OS9: variants seen among roughly 807,000 people sequenced by gnomAD.
OS9 encodes protein OS-9.
OS9 carries 58 observed loss-of-function variants against 84.7 expected under a neutral mutation model. That is an observed-to-expected ratio of 0.68 (90% CI 0.55 to 0.85). OS9 has a LOEUF of 0.85. OS9 is among the 40% of genes least tolerant of loss of function. The pLI is 0.00. For missense variants in OS9, 760 were observed against 850.9 expected (o/e 0.89, Z 1.33); for synonymous variants, 278 against 320.8 (o/e 0.87, Z 1.43).
chr12:57,706,814 A>G (rs1167887358), intron 5 of OS9, among the ~76,000 whole-genome samples: 1 of 136,174 alleles, frequency 7.3e-6, no homozygotes, highest in South Asian at 2.3e-4. Context: ...ACGCCACTGG[A>G]CTCCAGCCTG....
At position 57,720,174 on chromosome 12, in the gene OS9, T is replaced by A. The variant is rs769392806; in HGVS notation, c.1676T>A (p.Val559Asp). Residue 559 changes from valine to aspartate, a missense_variant, in exon 13 of 15, where the codon GTC (valine) becomes GAC (aspartate). Transcript: ENST00000315970. ...GGAGGCCCTAATCAGGATCTGACTG[T>A]CCTCGAGATGAAACGGGAAAACCCA... ...RLGGPNQDLT[V>D]LEMKRENPQL... 5.0e-6 allele frequency: 8 copies of A among 1,614,122 alleles called. No homozygotes were observed. Among genetic ancestry groups the A allele is most frequent in the Non-Finnish European group, 6.8e-6 (8 of 1,180,008 alleles).
rs1327102148 is a variant in OS9, at chr12:57,716,503, G to A, written c.984G>A (p.Val328=). The change falls in exon 8 of 15, where the codon GTG becomes GTA. Residue 328 remains valine, a synonymous_variant. Coordinates refer to ENST00000315970, the MANE Select transcript of OS9 (RefSeq NM_006812.4). The part of the protein sequence containing the change: ...PEDQAPGGEE[V]PAEEQDPSPE... ...ACCAGGCCCCAGGAGGGGAGGAGGT[G>A]CCGGCTGAGGTGAGACCAGCTGCCT... The A allele has an allele frequency of 1.9e-6, 3 of 1,571,654 alleles. No homozygotes were observed. The highest frequency in any genetic ancestry group is 2.6e-6 in the Non-Finnish European group (3 of 1,157,302).
Position 57,720,113 on chromosome 12 carries a change from C to A in OS9, c.1615C>A (p.His539Asn), listed in dbSNP as rs759360227. 3.1e-6 allele frequency: 5 copies of A among 1,613,722 alleles called. No individual in the cohort carries two copies. The highest frequency in any genetic ancestry group is 4.2e-6 in the Non-Finnish European group (5 of 1,179,956). ...SPQPTEEDPE[H>N]RVRVRVTKLR... Reference sequence around the variant, plus strand: ...CCCCCTCTAAGAGGAGGATCCTGAGCACAGAGTCCGGGTCCGGGTCACCAA... The same window carrying A: ...CCCCCTCTAAGAGGAGGATCCTGAGAACAGAGTCCGGGTCCGGGTCACCAA... Residue 539 changes from histidine to asparagine, a missense_variant, in exon 13 of 15, where the codon CAC becomes AAC. Coordinates refer to ENST00000315970, the MANE Select transcript of OS9 (RefSeq NM_006812.4).
At chr12:57,705,673 G>A (rs148831361) in intron 5 of OS9, among the ~76,000 whole-genome samples, 4,252 of 152,046 alleles carry the variant, frequency 0.028, 155 homozygotes, top group African/African-American at 0.083. Context: ...TTACAGGTGC[G>A]TACCACCACG....
rs1349587227 is a variant in OS9, at chr12:57,720,433, C to T, written c.1793C>T (p.Pro598Leu). ...AAAATTGAGATCAAAATTGTCCGCC[C>T]ATGGGCTGAAGGGACTGAAGAGGGT... The part of the protein sequence containing the change: ...AGKIEIKIVR[P>L]WAEGTEEGAR... The change falls in exon 14 of 15, where the codon CCA becomes CTA. Residue 598 changes from proline (P) to leucine (L), a missense_variant. Transcript: ENST00000315970. 6.2e-7 allele frequency: 1 copy of T among 1,613,890 alleles called. No individual in the cohort carries two copies. The highest frequency in any genetic ancestry group is 8.5e-7 in the Non-Finnish European group (1 of 1,179,800).
At chr12:57,705,574 A>G (rs1954141773) in intron 5 of OS9, among the ~76,000 whole-genome samples, 1 of 152,078 alleles carries the variant, frequency 6.6e-6, no homozygotes, top group Admixed American at 6.6e-5. Context: ...TTGCTCTGTC[A>G]TCAAGGCTGG....
chr12:57,696,441 C>G (rs1953838724), intron 5 of OS9, 68 bp downstream of exon 5: 3 of 296,628 alleles, frequency 1.0e-5, no homozygotes, highest in Non-Finnish European at 1.8e-5. Context: ...AAGAGGGTTG[C>G]ATCTTATAGT....
chr12:57,707,666 TG>T (rs1421028090), intron 5 of OS9, among the ~76,000 whole-genome samples: 2 of 152,236 alleles, frequency 1.3e-5, no homozygotes, highest in Non-Finnish European at 2.9e-5. Context: ...CCTAAAGTGC[TG>T]GGATTACAGG....
In OS9 at chr12:57,718,309, T is replaced by C. The variant is rs567028943; in HGVS notation, c.1298T>C (p.Leu433Pro). Residue 433 changes from leucine to proline, a missense_variant, in exon 11 of 15, where the codon CTG (leucine) becomes CCG (proline). Physicochemically the swap from Leu to Pro is moderately conservative, Grantham distance 98 (BLOSUM62 -3). Coordinates refer to ENST00000315970, the MANE Select transcript of OS9 (RefSeq NM_006812.4). The part of the protein sequence containing the change: ...EDEDEDERQL[L>P]GEFEKELEGI... ...GAAGATGAGGATGAACGGCAGTTAC[T>C]GGGAGAATTTGAGAAGGAACTGGAA... The C allele has an allele frequency of 1.7e-5, 27 of 1,614,018 alleles. No homozygotes were observed. Among genetic ancestry groups the C allele is most frequent in the Non-Finnish European group, 2.3e-5 (27 of 1,180,028 alleles).
At chr12:57,694,369 G>C in intron 1 of OS9, 46 bp downstream of exon 1, 1 of 1,600,286 alleles carries the variant, frequency 6.2e-7, no homozygotes, top group Non-Finnish European at 8.6e-7. Flanking sequence ...AGAGGAAGCG[G>C]GTAAGAGATA....
chr12:57,718,865 A>T, intron 11 of OS9, 128 bp from the exon 12 acceptor site: 1 of 704,976 alleles, frequency 1.4e-6, no homozygotes, highest in South Asian at 1.8e-5. Flanking sequence ...AGACGGCACC[A>T]CTGTACTCCA....
At chr12:57,696,134 T>G in intron 4 of OS9, 96 bp downstream of exon 4, 1 of 1,222,758 alleles carries the variant, frequency 8.2e-7, no homozygotes, top group Non-Finnish European at 1.2e-6. Flanking sequence ...ATCTGTTTCT[T>G]GGGGCTTGGT....
At chr12:57,694,723 G>A in intron 1 of OS9, 27 bp from the exon 2 acceptor site, 1 of 1,611,576 alleles carries the variant, frequency 6.2e-7, no homozygotes, top group African/African-American at 1.3e-5. Context: ...TTGCTTCCTT[G>A]CCCCCCGACC....
intron 5 of OS9, 52 bp downstream of exon 5, chr12:57,696,425 T>G: frequency 3.4e-6 from 2 of 591,376 alleles, no homozygotes. Flanking sequence ...GTTCAGATTC[T>G]AAGGGAAGAG....
chr12:57,699,787 G>C (rs1479842529), intron 5 of OS9, among the ~76,000 whole-genome samples: 5 of 152,164 alleles, frequency 3.3e-5, no homozygotes, highest in African/African-American at 7.2e-5. Context: ...ATGAGGTGTT[G>C]AGAAAAGTGG....
chr12:57,700,714 C>T (rs73125460), intron 5 of OS9, among the ~76,000 whole-genome samples: 11,947 of 151,588 alleles, frequency 0.079, 549 homozygotes, highest in Non-Finnish European at 0.11. Flanking sequence ...ATGTTGAAGG[C>T]TGTTGGGTGG....
At chr12:57,703,670 T>G (rs1257748886) in intron 5 of OS9, among the ~76,000 whole-genome samples, 1 of 152,244 alleles carries the variant, frequency 6.6e-6, no homozygotes, top group East Asian at 1.9e-4. Context: ...TATTAAGATT[T>G]AAGTCAGGAA....
Position 57,720,791 on chromosome 12 carries a change from G to T in OS9, c.1886G>T (p.Gly629Val). The T allele has an allele frequency of 6.2e-7, 1 of 1,609,540 alleles. No homozygotes were observed. Among genetic ancestry groups the T allele is most frequent in the Non-Finnish European group, 8.5e-7 (1 of 1,177,594 alleles). Residue 629 changes from glycine to valine, a missense_variant, in exon 15 of 15, where the codon GGA (glycine) becomes GTA (valine). Physicochemically the swap from Gly to Val is moderately radical, Grantham distance 109. Coordinates refer to ENST00000315970, the MANE Select transcript of OS9 (RefSeq NM_006812.4). ...TCTACCCTCTCCCACCAGGTGCCGG[G>T]AGCTGAAGAGGCCCAGAAGGAACGC... ...KEIFFNILVP[G>V]AEEAQKERQR...
intron 5 of OS9, among the ~76,000 whole-genome samples, chr12:57,703,752 GA>G: frequency 8.7e-6 from 1 of 115,276 alleles, no homozygotes; most frequent in East Asian, 2.1e-4. Context: ...CATTCCATGT[GA>G]ATTTTAAGAT....
Sources: gnomAD v4.1 joint callset for allele counts (sites outside exome capture counted in the v4.1 genomes callset) on GRCh38, gnomAD v4.1.1 for gene constraint, MANE v1.5 for transcripts, NCBI Gene and HGNC (gene_info 2026-07-23, HGNC 2026-07-21) for gene names.